The following EDNRB variants were observed in gnomAD, a reference collection of about 807,000 sequenced individuals.
The protein encoded by EDNRB is endothelin receptor type B, also known as Hirschsprung disease 2.
EDNRB carries 18 observed loss-of-function variants against 46.4 expected under a neutral mutation model. The ratio of observed to expected loss-of-function variants is 0.39; its 90% CI spans 0.27 to 0.57. The LOEUF is 0.57. Ranked by LOEUF, EDNRB falls within the 20% of genes least tolerant of loss-of-function variation. The pLI is 0.61. For synonymous variants in EDNRB, 213 were observed against 204.9 expected, an observed-to-expected ratio of 1.04 and a Z score of -0.34; for missense variants, 434 against 537.5, an observed-to-expected ratio of 0.81 and a Z score of 1.90.
At chr13:77,957,451 C>T (rs928905320) in intron 1 of EDNRB, among the ~76,000 whole-genome samples, 8 of 152,214 alleles carry the variant, frequency 5.3e-5, no homozygotes, top group African/African-American at 1.7e-4. Context: ...AAAATCACTA[C>T]GATATAGTAA....
chr13:77,952,614 A>T (rs1297194366), intron 1 of EDNRB, among the ~76,000 whole-genome samples: 1 of 152,188 alleles, frequency 6.6e-6, no homozygotes. Flanking sequence ...AAAGTACTAC[A>T]ATATTTAGGG....
At position 77,911,633 on chromosome 13, in the gene EDNRB, T is replaced by A. The variant is rs529723818; in HGVS notation, c.483+6458A>T. ...TAATAAATTTCTGATTCAAGAATGA[T>A]CCTCTTCTATCTTCTCCCTTCACGC... is the stretch of plus-strand genomic sequence containing the variant. On this transcript the variant is annotated intron_variant, in intron 1 of 6. Transcript: ENST00000646607. 2.0e-5 allele frequency among the ~76,000 whole-genome samples: 3 copies of A among 151,904 alleles called. No individual in the cohort carries two copies. The South Asian group carries it at 6.2e-4, about 31-fold the overall frequency.
At chr13:77,950,531 G>A (rs150554700) in intron 1 of EDNRB, among the ~76,000 whole-genome samples, 3 of 152,342 alleles carry the variant, frequency 2.0e-5, no homozygotes, top group Non-Finnish European at 4.4e-5. Flanking sequence ...CTAAACTGGG[G>A]CAGTAGGGGG....
chr13:77,931,459 A>G (rs920152355), intron 1 of EDNRB, among the ~76,000 whole-genome samples: 15 of 152,128 alleles, frequency 9.9e-5, no homozygotes, highest in Admixed American at 9.8e-4. Context: ...TCGGTGGGGG[A>G]ATTACCTGAT....
chr13:77,954,581 G>A (rs562845012), intron 1 of EDNRB, among the ~76,000 whole-genome samples: 2 of 151,340 alleles, frequency 1.3e-5, no homozygotes, highest in Non-Finnish European at 2.9e-5. Flanking sequence ...GCACGATCTC[G>A]GCTCACTGCC....
intron 1 of EDNRB, among the ~76,000 whole-genome samples, chr13:77,935,203 C>T (rs1347800549): frequency 2.6e-5 from 4 of 152,306 alleles, no homozygotes; most frequent in Non-Finnish European, 5.9e-5. Flanking sequence ...CGGCGGCGGC[C>T]GCCACACGCA....
chr13:77,948,717 TTC>T (rs1491195201), intron 1 of EDNRB, among the ~76,000 whole-genome samples: 1 of 152,212 alleles, frequency 6.6e-6, no homozygotes, highest in Non-Finnish European at 1.5e-5. Flanking sequence ...AATATTGATA[TTC>T]TGTTTCTTTT....
At chr13:77,911,329 T>A (rs1459339724) in intron 1 of EDNRB, among the ~76,000 whole-genome samples, 2 of 152,042 alleles carry the variant, frequency 1.3e-5, no homozygotes, top group African/African-American at 4.8e-5. Context: ...CCTAATTCTA[T>A]CTGTGGAATA....
chr13:77,912,291 G>A (rs931539355), intron 1 of EDNRB, among the ~76,000 whole-genome samples: 11 of 152,042 alleles, frequency 7.2e-5, no homozygotes, highest in Non-Finnish European at 1.3e-4. Flanking sequence ...GCAGATCAAA[G>A]GCACACACAA....
At chr13:77,946,163 T>C in intron 1 of EDNRB, among the ~76,000 whole-genome samples, 1 of 152,210 alleles carries the variant, frequency 6.6e-6, no homozygotes, top group South Asian at 2.1e-4. Context: ...GAAGTGTAGA[T>C]AAATTGCACA....
intron 1 of EDNRB, chr13:77,939,459 G>A (rs1880671518): frequency 6.6e-6 from 1 of 152,156 alleles, no homozygotes; most frequent in African/African-American, 2.4e-5. Flanking sequence ...GAGTTTTAGT[G>A]TTGTCATGTG....
chr13:77,964,463 T>C (rs1226212245), intron 1 of EDNRB, among the ~76,000 whole-genome samples: 1 of 152,138 alleles, frequency 6.6e-6, no homozygotes, highest in Non-Finnish European at 1.5e-5. Context: ...AAACGATAAG[T>C]TCATGTCCTT....
At chr13:77,968,315 T>G (rs760433086) in intron 1 of EDNRB, among the ~76,000 whole-genome samples, 2 of 152,296 alleles carry the variant, frequency 1.3e-5, no homozygotes, top group Non-Finnish European at 2.9e-5. Context: ...TTATATTAAG[T>G]AAATAATAAC....
intron 4 of EDNRB, 122 bp from the exon 5 acceptor site, chr13:77,900,776 CA>C: frequency 2.9e-6 from 4 of 1,395,294 alleles, no homozygotes; most frequent in Non-Finnish European, 4.0e-6. Flanking sequence ...AAACTCAGGA[CA>C]CTGAGCTTTA....
intron 1 of EDNRB, among the ~76,000 whole-genome samples, chr13:77,950,684 A>G (rs1468817264): frequency 6.6e-6 from 1 of 152,224 alleles, no homozygotes; most frequent in Non-Finnish European, 1.5e-5. Flanking sequence ...GTTTCCCTCC[A>G]GCTTACAAAA....
chr13:77,909,969 G>T (rs997126607), intron 1 of EDNRB, among the ~76,000 whole-genome samples: 2 of 151,846 alleles, frequency 1.3e-5, no homozygotes, highest in Non-Finnish European at 2.9e-5. Flanking sequence ...TTCCATGCAG[G>T]GCGGAAAAGG....
intron 1 of EDNRB, among the ~76,000 whole-genome samples, chr13:77,967,848 C>A (rs1369959371): frequency 6.6e-6 from 1 of 152,172 alleles, no homozygotes; most frequent in Non-Finnish European, 1.5e-5. Flanking sequence ...CCACGTCTTC[C>A]TTTAAGTGAG....
At position 77,896,840 on chromosome 13, in the gene EDNRB, C is replaced by T. The variant is rs1878655711; in HGVS notation, c.*1360G>A. On this transcript the variant is annotated 3_prime_UTR_variant, in exon 7 of 7. Transcript: ENST00000646607. ...CATCTCATCCCAAGCTATCCTAAGGCACTTTGCTTAGAAGATATAAAAATT... is the reference window on the plus strand; with the variant it reads ...CATCTCATCCCAAGCTATCCTAAGGTACTTTGCTTAGAAGATATAAAAATT... 3.6e-6 allele frequency: 4 copies of T among 1,105,046 alleles called. No individual in the cohort carries two copies. Among genetic ancestry groups the T allele is most frequent in the African/African-American group, 1.7e-5 (1 of 60,306 alleles). The allele number at this position is 1,105,046 out of a possible 1,614,324, so 68.5% of individuals were successfully genotyped here.
chr13:77,933,524 T>C (rs922404886), intron 1 of EDNRB, among the ~76,000 whole-genome samples: 2 of 152,138 alleles, frequency 1.3e-5, no homozygotes, highest in African/African-American at 2.4e-5. Context: ...GCCATTTTCA[T>C]TTCTTTTGTG....
Sources: gnomAD v4.1 joint callset for allele counts (sites outside exome capture counted in the v4.1 genomes callset) on GRCh38, gnomAD v4.1.1 for gene constraint, MANE v1.5 for transcripts, NCBI Gene and HGNC (gene_info 2026-07-23, HGNC 2026-07-21) for gene names.